SNTG1: variants seen among roughly 807,000 people sequenced by gnomAD.
SNTG1 encodes syntrophin gamma 1, also known as gamma-1-syntrophin.
SNTG1 carries 39 observed loss-of-function variants against 74.7 expected under a neutral mutation model. That is an observed-to-expected ratio of 0.52 (90% CI 0.40 to 0.68). The LOEUF (loss-of-function observed/expected upper bound fraction) is 0.68, where lower values mean the gene tolerates loss of function less well. SNTG1 is among the 30% of genes least tolerant of loss of function. The probability of loss-of-function intolerance (pLI) is 0.00; values close to 1 mark genes in which losing one functional copy is unlikely to be tolerated. For missense variants in SNTG1, 685 were observed against 609.5 expected, an observed-to-expected ratio of 1.12 and a Z score of -1.30; for synonymous variants, 254 against 217.1, an observed-to-expected ratio of 1.17 and a Z score of -1.49.
In SNTG1 at chr8:50,589,669, G is replaced by T. The variant is rs1335646903; in HGVS notation, c.811-1210G>T. Reference sequence around the variant, plus strand: ...CAAGGGCCCACATAAAATATTAGTTGAATTTTAGAATTCTTTATAACAATT... The same window carrying T: ...CAAGGGCCCACATAAAATATTAGTTTAATTTTAGAATTCTTTATAACAATT... On this transcript the variant is annotated intron_variant, in intron 12 of 18. Transcript: ENST00000642720. Among the ~76,000 whole-genome samples, 3 of 150,770 alleles carry T rather than the reference G, an allele frequency of 2.0e-5. No homozygotes were observed. In the East Asian group the frequency reaches 5.8e-4, roughly 29 times the overall value.
intron 17 of SNTG1, among the ~76,000 whole-genome samples, chr8:50,735,032 C>T (rs2095524708): frequency 6.7e-6 from 1 of 149,446 alleles, no homozygotes; most frequent in Non-Finnish European, 1.5e-5. Context: ...TAATGTTAAA[C>T]AATTTTACAA....
intron 18 of SNTG1, among the ~76,000 whole-genome samples, chr8:50,759,810 A>T (rs1563813851): frequency 1.3e-5 from 2 of 151,974 alleles, no homozygotes; most frequent in African/African-American, 4.8e-5. Flanking sequence ...TTTGCTTAGG[A>T]TTGTCCTGGC....
chr8:50,709,306 T>A (rs1174813900), intron 17 of SNTG1: 8 of 338,756 alleles, frequency 2.4e-5, no homozygotes, highest in Non-Finnish European at 4.2e-5. Flanking sequence ...CAAAAAGCAG[T>A]TTTTAAAAAA....
chr8:50,422,592 G>T (rs955124238), intron 4 of SNTG1, among the ~76,000 whole-genome samples: 9 of 120,564 alleles, frequency 7.5e-5, no homozygotes, highest in African/African-American at 2.7e-4. Context: ...AAGCTCATAG[G>T]TTAGGAGTTT....
chr8:50,079,744 G>A (rs1822230378), intron 1 of SNTG1, among the ~76,000 whole-genome samples: 1 of 152,094 alleles, frequency 6.6e-6, no homozygotes, highest in South Asian at 2.1e-4. Flanking sequence ...TTTTGTATAA[G>A]TATAAGAAAG....
intron 1 of SNTG1, among the ~76,000 whole-genome samples, chr8:49,935,677 G>A (rs1456124361): frequency 6.6e-6 from 1 of 152,144 alleles, no homozygotes; most frequent in Non-Finnish European, 1.5e-5. Flanking sequence ...TGCTCAGCCA[G>A]GACATCTCTC....
At chr8:49,973,758 T>A (rs1285480369) in intron 1 of SNTG1, among the ~76,000 whole-genome samples, 1 of 152,072 alleles carries the variant, frequency 6.6e-6, no homozygotes, top group Admixed American at 6.5e-5. Flanking sequence ...GATACAGAGG[T>A]CAAGAAAGGA....
intron 1 of SNTG1, among the ~76,000 whole-genome samples, chr8:50,140,744 T>G (rs1207755882): frequency 6.6e-6 from 1 of 152,210 alleles, no homozygotes; most frequent in Non-Finnish European, 1.5e-5. Context: ...AGTTCATATT[T>G]TGACATATCT....
At chr8:50,386,707 G>A (rs1373797708) in intron 2 of SNTG1, among the ~76,000 whole-genome samples, 3 of 151,672 alleles carry the variant, frequency 2.0e-5, no homozygotes, top group South Asian at 4.2e-4. Context: ...TGGTAAGAGA[G>A]GAAGCAAGAG....
At chr8:50,763,033 A>G (rs1156872103) in intron 18 of SNTG1, among the ~76,000 whole-genome samples, 1 of 151,876 alleles carries the variant, frequency 6.6e-6, no homozygotes, top group Non-Finnish European at 1.5e-5. Flanking sequence ...AGACTTGTCC[A>G]CACTGAGCCT....
chr8:50,638,752 A>T (rs1162843433), intron 13 of SNTG1, among the ~76,000 whole-genome samples: 1 of 152,064 alleles, frequency 6.6e-6, no homozygotes, highest in African/African-American at 2.4e-5. Context: ...AACCCTCTCA[A>T]GTTTGCCCCA....
chr8:49,929,770 G>T (rs1456192395), intron 1 of SNTG1, among the ~76,000 whole-genome samples: 1 of 151,650 alleles, frequency 6.6e-6, no homozygotes, highest in African/African-American at 2.4e-5. Context: ...CATTGTGCAG[G>T]TTAGTTACAT....
intron 1 of SNTG1, among the ~76,000 whole-genome samples, chr8:50,151,426 C>G (rs1045519595): frequency 1.3e-5 from 2 of 151,770 alleles, no homozygotes; most frequent in Admixed American, 6.6e-5. Context: ...GTTCTCTGAT[C>G]TTAGTCATTC....
At position 49,924,853 on chromosome 8, in the gene SNTG1, G is replaced by A. The variant is rs1162198019; in HGVS notation, c.-103+12622G>A. On this transcript the variant is annotated intron_variant, in intron 1 of 18. Transcript: ENST00000642720. ...ATTCAATCATGGTTGAATTCCCTTC[G>A]TAGATGCAGCTATTGGCCAGGTGTA... 3.3e-5 allele frequency among the ~76,000 whole-genome samples: 5 copies of A among 151,906 alleles called. No individual in the cohort carries two copies. The South Asian group carries it at 8.3e-4, about 25-fold the overall frequency.
chr8:50,440,078 CAATCA>C (rs1407784068), intron 5 of SNTG1, among the ~76,000 whole-genome samples: 1 of 151,050 alleles, frequency 6.6e-6, no homozygotes, highest in African/African-American at 2.4e-5. Flanking sequence ...TATTTCAATC[CAATCA>C]AAACTATTGT....
intron 1 of SNTG1, among the ~76,000 whole-genome samples, chr8:49,934,410 G>T (rs1807877248): frequency 6.6e-6 from 1 of 151,840 alleles, no homozygotes; most frequent in Admixed American, 6.6e-5. Flanking sequence ...TTCTTTGAGA[G>T]AAAATATAAT....
intron 12 of SNTG1, among the ~76,000 whole-genome samples, chr8:50,558,263 C>G (rs1201553802): frequency 6.6e-6 from 1 of 152,200 alleles, no homozygotes; most frequent in Non-Finnish European, 1.5e-5. Flanking sequence ...GCCAGGGGGG[C>G]CTTGGAGTCA....
In SNTG1 at chr8:50,678,473, G is replaced by A. The variant is rs373361414; in HGVS notation, c.1038+19810G>A. Among the ~76,000 whole-genome samples the A allele has an allele frequency of 2.6e-5, 4 of 152,174 alleles. 1 individual carries two copies. Among genetic ancestry groups the A allele is most frequent in the African/African-American group, 9.6e-5 (4 of 41,550 alleles). On this transcript the variant is annotated intron_variant, in intron 15 of 18. Coordinates refer to ENST00000642720, the MANE Select transcript of SNTG1 (RefSeq NM_018967.5). ...AAATGTGGTTGGACAGGGCTGTAAT[G>A]TTTACAAGTGTGTCAACATATTTAT...
At chr8:50,542,552 T>C (rs950925950) in intron 11 of SNTG1, among the ~76,000 whole-genome samples, 2 of 152,212 alleles carry the variant, frequency 1.3e-5, no homozygotes, top group African/African-American at 2.4e-5. Flanking sequence ...GCAATAAACA[T>C]AGGAGCACAG....
Sources: gnomAD v4.1 joint callset for allele counts (sites outside exome capture counted in the v4.1 genomes callset) on GRCh38, gnomAD v4.1.1 for gene constraint, MANE v1.5 for transcripts, NCBI Gene and HGNC (gene_info 2026-07-23, HGNC 2026-07-21) for gene names.